Variants in KALRN observed in about 807,000 individuals in gnomAD.
The protein encoded by KALRN is kalirin RhoGEF kinase.
A neutral mutation model predicts 353.7 loss-of-function variants in KALRN; 70 were observed. The observed-to-expected ratio is 0.20, with a 90% confidence interval of 0.16 to 0.24. The LOEUF is 0.24. KALRN is among the 10% of genes least tolerant of loss of function. The pLI, the probability that KALRN is intolerant of heterozygous loss-of-function variation, is 1.00. For synonymous variants in KALRN, 1,391 were observed against 1,434.8 expected, an observed-to-expected ratio of 0.97 and a Z score of 0.69; for missense variants, 2,791 against 3,756.7, an observed-to-expected ratio of 0.74 and a Z score of 6.72.
chr3:124,035,200 C>T (rs889045897), intron 1 of KALRN, among the ~76,000 whole-genome samples: 2 of 151,804 alleles, frequency 1.3e-5, no homozygotes, highest in Non-Finnish European at 2.9e-5. Context: ...CTTCCTCTTC[C>T]GAGACATGGA....
chr3:124,503,616 C>T (rs959604007), intron 33 of KALRN, among the ~76,000 whole-genome samples: 8 of 152,130 alleles, frequency 5.3e-5, no homozygotes, highest in Non-Finnish European at 8.8e-5. Context: ...CTGTGGTACT[C>T]GGTATGCCTG....
At position 124,624,894 on chromosome 3, in the gene KALRN, C is replaced by A. The variant is rs143296788; in HGVS notation, c.5183-7526C>A. ...ATAGGGAGAATCTATTACCAGGTGGCAACTGGTAGTATTAGGTTTTTCTTT... is the reference window on the plus strand; with the variant it reads ...ATAGGGAGAATCTATTACCAGGTGGAAACTGGTAGTATTAGGTTTTTCTTT... On this transcript the variant is annotated intron_variant, in intron 34 of 59. Transcript: ENST00000682506. Among the ~76,000 whole-genome samples the A allele has an allele frequency of 3.6e-3, 546 of 152,264 alleles. 3 individuals carry two copies. The highest frequency in any genetic ancestry group is 0.012 in the African/African-American group (518 of 41,558).
chr3:124,678,605 G>A, intron 50 of KALRN: 1 of 222,166 alleles, frequency 4.5e-6, no homozygotes, highest in Non-Finnish European at 9.1e-6. Context: ...AAAAATGTGA[G>A]ATGCTTGATT....
At chr3:124,626,955 A>G (rs1380229411) in intron 34 of KALRN, among the ~76,000 whole-genome samples, 1 of 152,224 alleles carries the variant, frequency 6.6e-6, no homozygotes, top group African/African-American at 2.4e-5. Context: ...CCTAATAAAT[A>G]ACACCTGCCT....
At chr3:124,541,533 CAT>C (rs890570428) in intron 33 of KALRN, among the ~76,000 whole-genome samples, 1 of 151,922 alleles carries the variant, frequency 6.6e-6, no homozygotes, top group African/African-American at 2.4e-5. Flanking sequence ...GCTAATTTTA[CAT>C]CAGTCCTACC....
intron 1 of KALRN, among the ~76,000 whole-genome samples, chr3:124,160,335 C>T (rs2069716474): frequency 6.6e-6 from 1 of 151,960 alleles, no homozygotes; most frequent in African/African-American, 2.4e-5. Context: ...GGAGAAATCA[C>T]ATCAGATGGG....
At chr3:124,684,918 G>A (rs1463304791) in intron 51 of KALRN, among the ~76,000 whole-genome samples, 2 of 151,974 alleles carry the variant, frequency 1.3e-5, no homozygotes, top group African/African-American at 4.8e-5. Flanking sequence ...CAGATCTGAA[G>A]AGCCAGCCTA....
chr3:124,368,068 G>A lies in KALRN; in HGVS notation c.1771-16777G>A, dbSNP rs1239787842. ...TGACCCCCCCACCTCCCTCCCGGAC[G>A]GGGCGGCTGGCCAGGCGGGGGGCTG... On this transcript the variant is annotated intron_variant, in intron 10 of 59. Coordinates refer to ENST00000682506, the MANE Select transcript of KALRN (RefSeq NM_001388419.1). Among the ~76,000 whole-genome samples the A allele has an allele frequency of 1.0e-3, 49 of 48,252 alleles. 6 individuals carry two copies. Among genetic ancestry groups the A allele is most frequent in the African/African-American group, 3.7e-3 (41 of 11,084 alleles). 31.7% of individuals were successfully genotyped at this position (48,252 alleles called of 152,430 possible).
intron 34 of KALRN, among the ~76,000 whole-genome samples, chr3:124,587,312 C>A (rs2075299536): frequency 6.6e-6 from 1 of 152,226 alleles, no homozygotes; most frequent in East Asian, 1.9e-4. Context: ...TAGCTTGACT[C>A]TGAAGCAATG....
intron 46 of KALRN, 137 bp downstream of exon 46, chr3:124,666,771 G>A (rs905719451): frequency 1.0e-5 from 8 of 766,522 alleles, no homozygotes; most frequent in Middle Eastern, 3.8e-4. Flanking sequence ...GGTCATGGAG[G>A]CTGCACGACA....
At chr3:124,335,420 G>T (rs1313868629) in intron 9 of KALRN, among the ~76,000 whole-genome samples, 1 of 151,978 alleles carries the variant, frequency 6.6e-6, no homozygotes, top group Non-Finnish European at 1.5e-5. Context: ...TAATAATAAA[G>T]AAATGGTTAT....
chr3:124,466,846 C>T (rs946589865), intron 25 of KALRN, among the ~76,000 whole-genome samples: 1 of 152,234 alleles, frequency 6.6e-6, no homozygotes, highest in Non-Finnish European at 1.5e-5. Context: ...GTGGCTGCCA[C>T]ATCTGGCTGG....
intron 32 of KALRN, among the ~76,000 whole-genome samples, chr3:124,495,430 A>C (rs1222611324): frequency 6.6e-6 from 1 of 152,136 alleles, no homozygotes; most frequent in Non-Finnish European, 1.5e-5. Context: ...TGAACAGAAG[A>C]AACTCAAGTT....
chr3:124,665,410 C>T (rs1256418482), intron 45 of KALRN, among the ~76,000 whole-genome samples: 1 of 152,128 alleles, frequency 6.6e-6, no homozygotes, highest in African/African-American at 2.4e-5. Context: ...GTCAGGTGGC[C>T]TAGTAGCTGG....
Position 124,673,752 on chromosome 3 carries a change from G to C in KALRN, c.6943-612G>C, listed in dbSNP as rs375128619. On this transcript the variant is annotated intron_variant, in intron 48 of 59. Transcript: ENST00000682506. ...GCCCTGAAATAGACTCACATGAAAA[G>C]GTCATGGGCAGCATCTCTTATATTA... 2.0e-3 allele frequency among the ~76,000 whole-genome samples: 300 copies of C among 152,122 alleles called. 3 individuals carry two copies. The highest frequency in any genetic ancestry group is 7.1e-3 in the African/African-American group (293 of 41,498).
intron 1 of KALRN, among the ~76,000 whole-genome samples, chr3:124,035,390 C>T (rs2039323874): frequency 1.3e-5 from 2 of 152,124 alleles, no homozygotes; most frequent in South Asian, 4.1e-4. Flanking sequence ...GGACTAGAAA[C>T]AAATTGACCA....
intron 6 of KALRN, among the ~76,000 whole-genome samples, chr3:124,323,368 A>G (rs1466638467): frequency 6.6e-6 from 1 of 152,120 alleles, no homozygotes; most frequent in Non-Finnish European, 1.5e-5. Context: ...TTATTTGAGG[A>G]CTTGTCTTAA....
rs1379529054 is a variant in KALRN, at chr3:124,620,849, G to A, written c.5183-11571G>A. On this transcript the variant is annotated intron_variant, in intron 34 of 59. Coordinates refer to ENST00000682506, the MANE Select transcript of KALRN (RefSeq NM_001388419.1). ...GGATTACACAGGAGAACCCGAGGTC[G>A]AGGAGACCTTGAGGACAGTCAATTG... Among the ~76,000 whole-genome samples the A allele has an allele frequency of 1.5e-4, 23 of 152,330 alleles. No homozygotes were observed. In the East Asian group the frequency reaches 2.9e-3, roughly 19 times the overall value.
chr3:124,329,922 T>C lies in KALRN; in HGVS notation c.1346T>C (p.Met449Thr), dbSNP rs2080336105. ...MCSEGGLPSE[M>T]QDLELAIHHH... ...AGTGAAGGTGGTCTGCCATCCGAGA[T>C]GCAAGACCTAGAGCTGGCAATCCAC... The change falls in exon 8 of 60, where the codon ATG becomes ACG. Residue 449 changes from methionine (M) to threonine (T), a missense_variant. This residue lies in a region of KALRN where 366 missense variants were observed against 489.2 expected (regional missense o/e 0.75). Coordinates refer to ENST00000682506, the MANE Select transcript of KALRN (RefSeq NM_001388419.1). 6.2e-7 allele frequency: 1 copy of C among 1,612,170 alleles called. No individual in the cohort carries two copies. The highest frequency in any genetic ancestry group is 1.3e-5 in the African/African-American group (1 of 74,434).
Sources: gnomAD v4.1 joint callset for allele counts (sites outside exome capture counted in the v4.1 genomes callset) on GRCh38, gnomAD v4.1.1 for gene constraint, gnomAD v4.1.1 regional missense constraint, MANE v1.5 for transcripts, NCBI Gene and HGNC (gene_info 2026-07-23, HGNC 2026-07-21) for gene names.